The following SNAP91 variants were observed in gnomAD, a reference collection of about 807,000 sequenced individuals.
SNAP91 encodes clathrin coat assembly protein AP180.
A neutral mutation model predicts 100.3 loss-of-function variants in SNAP91; 27 were observed. That is an observed-to-expected ratio of 0.27 (90% CI 0.20 to 0.37). The LOEUF is 0.37. Ranked by LOEUF, SNAP91 falls within the 10% of genes least tolerant of loss-of-function variation. The pLI is 1.00. For missense variants in SNAP91, 986 were observed against 1,123.7 expected, an observed-to-expected ratio of 0.88 and a Z score of 1.75; for synonymous variants, 404 against 398.6, an observed-to-expected ratio of 1.01 and a Z score of -0.16.
At position 83,621,941 on chromosome 6, in the gene SNAP91, C is replaced by T. The variant is rs796319725; in HGVS notation, c.807+1360G>A. 9.9e-5 allele frequency among the ~76,000 whole-genome samples: 15 copies of T among 152,082 alleles called. No homozygotes were observed. The South Asian group carries it at 3.1e-3, about 32-fold the overall frequency. Reference sequence around the variant, plus strand: ...TATGTGGATTATTTTTTAAAATGTACTATAAATTTTACTAAAAATGATTAG... The same window carrying T: ...TATGTGGATTATTTTTTAAAATGTATTATAAATTTTACTAAAAATGATTAG... On this transcript the variant is annotated intron_variant, in intron 9 of 29. Coordinates refer to ENST00000369694, the MANE Select transcript of SNAP91 (RefSeq NM_001242792.2).
At chr6:83,620,288 C>T (rs1264466755) in intron 9 of SNAP91, among the ~76,000 whole-genome samples, 1 of 152,170 alleles carries the variant, frequency 6.6e-6, no homozygotes, top group East Asian at 1.9e-4. Flanking sequence ...TTCTTTAACA[C>T]TCTCTTCTGA....
At chr6:83,593,160 A>G in intron 19 of SNAP91, 22 bp downstream of exon 19, 1 of 1,567,886 alleles carries the variant, frequency 6.4e-7, no homozygotes. Flanking sequence ...AAAGTGAAAA[A>G]AAAGGGTTGC....
intron 1 of SNAP91, 62 bp from the exon 2 acceptor site, chr6:83,708,019 A>G: frequency 7.2e-7 from 1 of 1,393,450 alleles, no homozygotes; most frequent in Non-Finnish European, 9.3e-7. Context: ...CCAAGCACCC[A>G]GGCCTTGCCT....
chr6:83,703,158 GTT>G (rs1220786370), intron 2 of SNAP91, among the ~76,000 whole-genome samples: 12 of 90,860 alleles, frequency 1.3e-4, no homozygotes, highest in Admixed American at 1.5e-4. Context: ...GAGAGGGTGT[GTT>G]TTTTTTTTTT....
intron 22 of SNAP91, among the ~76,000 whole-genome samples, chr6:83,584,725 C>T (rs950144097): frequency 6.6e-6 from 1 of 152,156 alleles, no homozygotes; most frequent in African/African-American, 2.4e-5. Context: ...CTTATAACAA[C>T]CCCATGAGGT....
intron 8 of SNAP91, among the ~76,000 whole-genome samples, chr6:83,626,537 T>C (rs1383676397): frequency 6.6e-6 from 1 of 151,984 alleles, no homozygotes; most frequent in Non-Finnish European, 1.5e-5. Context: ...ACTTCTTCCA[T>C]TGGTGTTTTG....
chr6:83,656,305 A>AACT (rs2098403321), intron 7 of SNAP91, among the ~76,000 whole-genome samples: 1 of 152,198 alleles, frequency 6.6e-6, no homozygotes, highest in African/African-American at 2.4e-5. Flanking sequence ...CGGCTAAGAG[A>AACT]ACTCTATAGG....
intron 7 of SNAP91, among the ~76,000 whole-genome samples, chr6:83,648,715 T>C (rs1182243012): frequency 1.3e-5 from 2 of 152,024 alleles, no homozygotes; most frequent in African/African-American, 4.8e-5. Flanking sequence ...CAGTAACTGA[T>C]GACATTGATA....
chr6:83,649,543 A>C (rs186970066), intron 7 of SNAP91, among the ~76,000 whole-genome samples: 1 of 152,232 alleles, frequency 6.6e-6, no homozygotes, highest in East Asian at 1.9e-4. Flanking sequence ...TCCATCTCAC[A>C]TTGAAGGTGA....
intron 11 of SNAP91, among the ~76,000 whole-genome samples, chr6:83,613,446 C>T (rs1003311200): frequency 6.6e-6 from 1 of 152,184 alleles, no homozygotes; most frequent in African/African-American, 2.4e-5. Flanking sequence ...GGATGCGTGA[C>T]CTCTGTTTTC....
chr6:83,555,242 G>A (rs1277713700), intron 29 of SNAP91, among the ~76,000 whole-genome samples: 1 of 151,138 alleles, frequency 6.6e-6, no homozygotes, highest in Non-Finnish European at 1.5e-5. Context: ...AACAAATCAA[G>A]AATCCACAAA....
At chr6:83,700,696 T>G (rs577065732) in intron 2 of SNAP91, among the ~76,000 whole-genome samples, 1 of 151,976 alleles carries the variant, frequency 6.6e-6, no homozygotes, top group Non-Finnish European at 1.5e-5. Context: ...TCATGGCTCA[T>G]TGCAGGCTTG....
chr6:83,687,844 G>A (rs1311541516), intron 2 of SNAP91, among the ~76,000 whole-genome samples: 1 of 152,144 alleles, frequency 6.6e-6, no homozygotes, highest in Non-Finnish European at 1.5e-5. Flanking sequence ...CTGACTGACT[G>A]AAGGAAATGG....
In SNAP91 at chr6:83,629,047, G is replaced by A. The variant is rs548891638; in HGVS notation, c.766-5705C>T. On this transcript the variant is annotated intron_variant, in intron 8 of 29. Transcript: ENST00000369694. ...TCTTGAGTTGATTTTTGAATAAGGT[G>A]AGAGGTGAGGATCCAGTTTTATTCT... Among the ~76,000 whole-genome samples, 23 of 152,250 alleles carry A rather than the reference G, an allele frequency of 1.5e-4. No homozygotes were observed. In the East Asian group the frequency reaches 4.4e-3, roughly 29 times the overall value.
rs1453692267 is a variant in SNAP91 at position 83,629,671 on chromosome 6, A to G, written c.766-6329T>C. On this transcript the variant is annotated intron_variant, in intron 8 of 29. Coordinates refer to ENST00000369694, the MANE Select transcript of SNAP91 (RefSeq NM_001242792.2). ...TTCTCTGCTTGGTCAATGTTGGTGT[A>G]TCGAAGAGCTACTGATTTGTGCACA... 3.9e-5 allele frequency among the ~76,000 whole-genome samples: 6 copies of G among 152,202 alleles called. 1 individual carries two copies. Among genetic ancestry groups the G allele is most frequent in the East Asian group, 1.9e-4 (1 of 5,172 alleles).
chr6:83,574,575 T>C (rs1451355133), intron 26 of SNAP91, among the ~76,000 whole-genome samples: 2 of 152,062 alleles, frequency 1.3e-5, no homozygotes, highest in Non-Finnish European at 2.9e-5. Context: ...ATCAGAAAAT[T>C]TGGGCAAGAA....
At chr6:83,621,983 CTT>C (rs899936631) in intron 9 of SNAP91, among the ~76,000 whole-genome samples, 3 of 152,018 alleles carry the variant, frequency 2.0e-5, no homozygotes, top group Admixed American at 1.3e-4. Flanking sequence ...TGAAAACACA[CTT>C]ATTTTCTTTG....
At chr6:83,707,513 TTGTGTGTGTGTATATACATATGCG>T (rs2099396496) in intron 2 of SNAP91, among the ~76,000 whole-genome samples, 1 of 146,064 alleles carries the variant, frequency 6.8e-6, no homozygotes, top group African/African-American at 2.6e-5. Flanking sequence ...AATCTCTCTC[TTGTGTGTGTGTATATACATATGCG>T]TGTGTGTGTG....
In SNAP91 at chr6:83,580,585, C is replaced by T. The variant is rs1339609665; in HGVS notation, c.2164G>A (p.Gly722Ser). The change falls in exon 24 of 30, where the codon GGT (glycine) becomes AGT (serine). Residue 722 changes from glycine to serine, a missense_variant. Transcript: ENST00000369694. ...SFDPSVFDGL[G>S]DLLMPTMAPA... ...GCCATGGTTGGCATCAAAAGATCACCTAGACCATCAAACACTGGAAATCAA... is the reference window on the plus strand; with the variant it reads ...GCCATGGTTGGCATCAAAAGATCACTTAGACCATCAAACACTGGAAATCAA... 6.2e-7 allele frequency: 1 copy of T among 1,609,598 alleles called. No homozygotes were observed. Among genetic ancestry groups the T allele is most frequent in the Non-Finnish European group, 8.5e-7 (1 of 1,178,578 alleles).
Sources: gnomAD v4.1 joint callset for allele counts (sites outside exome capture counted in the v4.1 genomes callset) on GRCh38, gnomAD v4.1.1 for gene constraint, MANE v1.5 for transcripts, NCBI Gene and HGNC (gene_info 2026-07-23, HGNC 2026-07-21) for gene names.